Variants in SLC38A9 observed in about 807,000 individuals in gnomAD.
The protein encoded by SLC38A9 is solute carrier family 38 member 9.
A neutral mutation model predicts 62.3 loss-of-function variants in SLC38A9; 48 were observed. The observed-to-expected ratio is 0.77, with a 90% CI of 0.61 to 0.98. SLC38A9 has a LOEUF of 0.98. SLC38A9 is among the 50% of genes least tolerant of loss of function. SLC38A9 has a pLI of 0.00. For synonymous variants in SLC38A9, 204 were observed against 227.7 expected, an observed-to-expected ratio of 0.90 and a Z score of 0.94; for missense variants, 541 against 679.8, an observed-to-expected ratio of 0.80 and a Z score of 2.27.
chr5:55,628,008 A>T, intron 14 of SLC38A9, 28 bp from the exon 15 acceptor site: 2 of 1,526,830 alleles, frequency 1.3e-6, no homozygotes, highest in Non-Finnish European at 1.8e-6. Flanking sequence ...AGTTTGGAAG[A>T]AAGAAAAAAT....
chr5:55,704,048 GT>G (rs1237740608), intron 2 of SLC38A9: 1 of 152,256 alleles, frequency 6.6e-6, no homozygotes, highest in African/African-American at 2.4e-5. Context: ...CTCACCTACA[GT>G]CCCAGCTACT....
intron 4 of SLC38A9, among the ~76,000 whole-genome samples, chr5:55,672,075 C>T (rs1015774486): frequency 2.0e-5 from 3 of 152,026 alleles, no homozygotes; most frequent in Non-Finnish European, 4.4e-5. Context: ...TGGTCTTGAA[C>T]CCCTGGGCTC....
intron 3 of SLC38A9, chr5:55,675,426 C>T (rs1751962077): frequency 6.9e-6 from 1 of 144,608 alleles, no homozygotes; most frequent in Non-Finnish European, 1.5e-5. Context: ...GAAACATATG[C>T]TTAAAGCTTC....
chr5:55,665,471 T>C (rs1238092241), intron 7 of SLC38A9, among the ~76,000 whole-genome samples: 1 of 148,260 alleles, frequency 6.7e-6, no homozygotes. Flanking sequence ...TGTTTGAACC[T>C]GGGAGGCAGA....
intron 12 of SLC38A9, among the ~76,000 whole-genome samples, chr5:55,637,865 G>A (rs1231098153): frequency 6.6e-6 from 1 of 152,128 alleles, no homozygotes; most frequent in Non-Finnish European, 1.5e-5. Context: ...TGAGTATCTG[G>A]TGAAACCAAT....
chr5:55,689,603 C>G (rs1387516761), intron 3 of SLC38A9, among the ~76,000 whole-genome samples: 4 of 152,150 alleles, frequency 2.6e-5, no homozygotes, highest in Non-Finnish European at 5.9e-5. Context: ...ATTGAGCAGA[C>G]AGAGAACAAT....
At chr5:55,652,404 C>T (rs776802489) in intron 10 of SLC38A9, 125 bp downstream of exon 10, 58 of 373,126 alleles carry the variant, frequency 1.6e-4, no homozygotes, top group Non-Finnish European at 2.2e-4. Flanking sequence ...AAAACAAAAA[C>T]GAATGAACAA....
chr5:55,643,479 T>G (rs955265298), intron 12 of SLC38A9, among the ~76,000 whole-genome samples: 12 of 152,226 alleles, frequency 7.9e-5, no homozygotes, highest in African/African-American at 2.9e-4. Context: ...AATGTTCTTA[T>G]GTATTTAAGA....
intron 3 of SLC38A9, among the ~76,000 whole-genome samples, chr5:55,677,743 A>C (rs1166414161): frequency 6.7e-6 from 1 of 148,796 alleles, no homozygotes; most frequent in African/African-American, 2.5e-5. Flanking sequence ...TGGGGCTGTT[A>C]TGTTGCCCAG....
chr5:55,652,817 T>C, intron 9 of SLC38A9, 94 bp from the exon 10 acceptor site: 4 of 1,008,556 alleles, frequency 4.0e-6, no homozygotes, highest in Non-Finnish European at 5.6e-6. Context: ...AGACAGACAC[T>C]TGCTCTACCA....
chr5:55,690,533 CTGTTTAACACTGA>C (rs1754581604), intron 3 of SLC38A9, among the ~76,000 whole-genome samples: 1 of 152,200 alleles, frequency 6.6e-6, no homozygotes, highest in South Asian at 2.1e-4. Context: ...CCTAGTCCAT[CTGTTTAACACTGA>C]TGTCAAGTTC....
At chr5:55,639,421 T>C (rs1745039185) in intron 12 of SLC38A9, among the ~76,000 whole-genome samples, 1 of 152,190 alleles carries the variant, frequency 6.6e-6, no homozygotes, top group African/African-American at 2.4e-5. Context: ...AGGAGTTTGT[T>C]TCTTTCTTTG....
intron 7 of SLC38A9, among the ~76,000 whole-genome samples, chr5:55,668,096 CG>C (rs1750763682): frequency 6.6e-6 from 1 of 152,070 alleles, no homozygotes; most frequent in South Asian, 2.1e-4. Context: ...CACCTGTGCC[CG>C]GGAAGTCCAG....
intron 8 of SLC38A9, among the ~76,000 whole-genome samples, chr5:55,662,359 G>A (rs1383132998): frequency 1.3e-5 from 2 of 152,042 alleles, no homozygotes; most frequent in Non-Finnish European, 2.9e-5. Flanking sequence ...AAAGCAAGTT[G>A]CAAAAGCGTT....
intron 7 of SLC38A9, among the ~76,000 whole-genome samples, chr5:55,665,790 C>T (rs1005646166): frequency 2.0e-5 from 3 of 151,704 alleles, no homozygotes; most frequent in African/African-American, 7.3e-5. Flanking sequence ...ATGGCAAAAC[C>T]CCATATTTAA....
intron 10 of SLC38A9, among the ~76,000 whole-genome samples, chr5:55,650,670 T>A (rs969597046): frequency 2.0e-5 from 3 of 152,226 alleles, no homozygotes; most frequent in Non-Finnish European, 4.4e-5. Flanking sequence ...TGTGTGTCTA[T>A]GGCAGCTTAC....
chr5:55,656,090 G>A (rs959915412), intron 9 of SLC38A9, among the ~76,000 whole-genome samples: 1 of 151,688 alleles, frequency 6.6e-6, no homozygotes, highest in Non-Finnish European at 1.5e-5. Context: ...TAGTGATATA[G>A]GTTCTTGAAA....
chr5:55,684,649 A>ATTGT (rs1251421956), intron 3 of SLC38A9, among the ~76,000 whole-genome samples: 1 of 151,624 alleles, frequency 6.6e-6, no homozygotes, highest in Non-Finnish European at 1.5e-5. Context: ...TGTTGTTGTT[A>ATTGT]TTGTTTGTTT....
At chr5:55,662,687 C>CAA (rs200454419) in intron 8 of SLC38A9, among the ~76,000 whole-genome samples, 3,285 of 141,016 alleles carry the variant, frequency 0.023, 60 homozygotes, top group African/African-American at 0.047. Context: ...AAAAAAAAAC[C>CAA]AAAAAAAAAA....
Sources: allele counts gnomAD v4.1 joint callset (sites outside exome capture counted in the v4.1 genomes callset), GRCh38; gene constraint gnomAD v4.1.1; transcripts MANE v1.5; gene names NCBI Gene and HGNC (gene_info 2026-07-23, HGNC 2026-07-21).